Variants in GMDS observed in about 807,000 individuals in gnomAD.
GMDS encodes GDP-mannose 4,6-dehydratase.
A neutral mutation model predicts 49.9 loss-of-function variants in GMDS; 20 were observed. That is an observed-to-expected ratio of 0.40 (90% CI 0.28 to 0.58). The LOEUF (loss-of-function observed/expected upper bound fraction) is 0.58, where lower values mean the gene tolerates loss of function less well. Ranked by LOEUF, GMDS falls within the 20% of genes least tolerant of loss-of-function variation. GMDS has a pLI of 0.42. For missense variants in GMDS, 362 were observed against 481.4 expected (o/e 0.75, Z 2.32); for synonymous variants, 177 against 178.6 (o/e 0.99, Z 0.07).
chr6:2,157,776 C>T (rs1777181139), intron 1 of GMDS, among the ~76,000 whole-genome samples: 1 of 152,174 alleles, frequency 6.6e-6, no homozygotes, highest in Admixed American at 6.5e-5. Flanking sequence ...CAGGAAAAAA[C>T]AGGAATTTTA....
chr6:2,020,769 C>G (rs1275658933), intron 4 of GMDS, among the ~76,000 whole-genome samples: 2 of 152,096 alleles, frequency 1.3e-5, no homozygotes, highest in Non-Finnish European at 2.9e-5. Flanking sequence ...GGAAATTAGG[C>G]AAATTTAGGA....
intron 9 of GMDS, among the ~76,000 whole-genome samples, chr6:1,713,372 C>A (rs1371345815): frequency 6.6e-6 from 1 of 152,232 alleles, no homozygotes; most frequent in Non-Finnish European, 1.5e-5. Context: ...TAGGCACAGG[C>A]CCTGGCTGCT....
intron 6 of GMDS, among the ~76,000 whole-genome samples, chr6:1,956,198 G>T (rs1256253005): frequency 6.6e-6 from 1 of 152,120 alleles, no homozygotes; most frequent in African/African-American, 2.4e-5. Flanking sequence ...CTACAGCTGG[G>T]GCCAGCAAAT....
At chr6:2,154,310 C>G (rs1307288354) in intron 1 of GMDS, among the ~76,000 whole-genome samples, 2 of 151,948 alleles carry the variant, frequency 1.3e-5, no homozygotes, top group African/African-American at 2.4e-5. Flanking sequence ...ATACAACAAC[C>G]CTATTTGGGA....
chr6:1,853,160 GAGACATGAAATACTGCCAACACA>G lies in GMDS; in HGVS notation c.771+76920_771+76942del, dbSNP rs558688180. ...ATACAAGAAACTCTGAAAAGTATCT[GAGACATGAAATACTGCCAACACA>G]AGACACAAAACACTGCCTTTTTGGA... On this transcript the variant is annotated intron_variant, in intron 7 of 10. Transcript: ENST00000380815. Among the ~76,000 whole-genome samples, 14 of 152,178 alleles carry G rather than the reference GAGACATGAAATACTGCCAACACA, an allele frequency of 9.2e-5. No individual in the cohort carries two copies. In the East Asian group the frequency reaches 2.7e-3, roughly 29 times the overall value.
Position 1,624,322 on chromosome 6 carries a change from G to A in GMDS, c.1057-91C>T, listed in dbSNP as rs59613956. The A allele has an allele frequency of 1.8e-3, 2,415 of 1,335,630 alleles. 31 individuals are homozygous for A. In the African/African-American group the frequency reaches 0.032, roughly 18 times the overall value. The allele number at this position is 1,335,630 out of a possible 1,614,324, so 82.7% of individuals were successfully genotyped here. On this transcript the variant is annotated intron_variant, in intron 10 of 10. Coordinates refer to ENST00000380815, the MANE Select transcript of GMDS (RefSeq NM_001500.4). Reference sequence around the variant, plus strand: ...GGGTGTCGGCCCCAGAGAGGCCTCCGCGTCCCTCGTTCCAGCTCCCCTCAC... The same window carrying A: ...GGGTGTCGGCCCCAGAGAGGCCTCCACGTCCCTCGTTCCAGCTCCCCTCAC...
intron 4 of GMDS, among the ~76,000 whole-genome samples, chr6:2,029,019 G>A (rs1188642595): frequency 1.3e-5 from 2 of 150,824 alleles, no homozygotes; most frequent in Non-Finnish European, 3.0e-5. Flanking sequence ...TAACCAGAGG[G>A]AATGAGATGG....
At chr6:2,012,078 T>C (rs1055333191) in intron 4 of GMDS, among the ~76,000 whole-genome samples, 1 of 151,864 alleles carries the variant, frequency 6.6e-6, no homozygotes, top group African/African-American at 2.4e-5. Context: ...CACATGGACA[T>C]AGAGAGTGGA....
intron 1 of GMDS, among the ~76,000 whole-genome samples, chr6:2,189,896 A>G (rs1356653191): frequency 7.0e-6 from 1 of 142,604 alleles, no homozygotes; most frequent in East Asian, 2.1e-4. Context: ...CTCCAGGACT[A>G]CTGGGTTGGT....
rs534402075 is a variant in GMDS at position 1,973,267 on chromosome 6, G to A, written c.346-12301C>T. On this transcript the variant is annotated intron_variant, in intron 4 of 10. Coordinates refer to ENST00000380815, the MANE Select transcript of GMDS (RefSeq NM_001500.4). Reference sequence around the variant, plus strand: ...AAGGCATTAACATGACACTAGAGATGTACACACAATCAAAAATTAAACAAT... The same window carrying A: ...AAGGCATTAACATGACACTAGAGATATACACACAATCAAAAATTAAACAAT... Among the ~76,000 whole-genome samples, 5 of 152,172 alleles carry A rather than the reference G, an allele frequency of 3.3e-5. 1 individual carries two copies. The highest frequency in any genetic ancestry group is 1.2e-4 in the African/African-American group (5 of 41,446).
At chr6:2,012,346 G>C (rs963033051) in intron 4 of GMDS, among the ~76,000 whole-genome samples, 5 of 152,038 alleles carry the variant, frequency 3.3e-5, no homozygotes. Flanking sequence ...CTAATTAATA[G>C]AGATTTTCAC....
At chr6:1,759,127 C>A (rs1201792111) in intron 7 of GMDS, among the ~76,000 whole-genome samples, 2 of 152,110 alleles carry the variant, frequency 1.3e-5, no homozygotes, top group African/African-American at 4.8e-5. Flanking sequence ...GATTACGTAT[C>A]TTGAGGGAGT....
At chr6:1,788,526 A>G (rs1056241338) in intron 7 of GMDS, among the ~76,000 whole-genome samples, 3 of 152,178 alleles carry the variant, frequency 2.0e-5, no homozygotes, top group Non-Finnish European at 4.4e-5. Context: ...GTAGTTTCTG[A>G]TATTACACTA....
At chr6:1,855,972 C>A (rs1396971844) in intron 7 of GMDS, among the ~76,000 whole-genome samples, 1 of 152,154 alleles carries the variant, frequency 6.6e-6, no homozygotes, top group South Asian at 2.1e-4. Context: ...CATATTCATA[C>A]AGACAGTGTG....
At chr6:1,992,485 C>G (rs747822741) in intron 4 of GMDS, among the ~76,000 whole-genome samples, 1 of 152,160 alleles carries the variant, frequency 6.6e-6, no homozygotes, top group Non-Finnish European at 1.5e-5. Context: ...CTCAACACAC[C>G]AGGCATGTTC....
intron 4 of GMDS, among the ~76,000 whole-genome samples, chr6:2,040,708 G>T (rs1033866305): frequency 6.6e-6 from 1 of 152,132 alleles, no homozygotes; most frequent in Non-Finnish European, 1.5e-5. Flanking sequence ...AACAGCAGAA[G>T]CAGGAAGGTC....
chr6:1,902,879 T>C (rs1760569308), intron 7 of GMDS, among the ~76,000 whole-genome samples: 1 of 152,204 alleles, frequency 6.6e-6, no homozygotes, highest in Non-Finnish European at 1.5e-5. Context: ...AACATCAATA[T>C]AACATTGTGA....
chr6:1,780,336 G>A lies in GMDS; in HGVS notation c.772-37750C>T, dbSNP rs150357805. On this transcript the variant is annotated intron_variant, in intron 7 of 10. Transcript: ENST00000380815. ...TGTAGTGCCACAGAGATTCTTTTAG[G>A]GGTTAAATTACAGTACCAAGGATGC... Among the ~76,000 whole-genome samples, 532 of 152,216 alleles carry A rather than the reference G, an allele frequency of 3.5e-3. 2 individuals carry two copies. The highest frequency in any genetic ancestry group is 0.011 in the African/African-American group (477 of 41,524).
chr6:1,651,124 C>G (rs1205757411), intron 9 of GMDS, among the ~76,000 whole-genome samples: 1 of 152,184 alleles, frequency 6.6e-6, no homozygotes, highest in African/African-American at 2.4e-5. Context: ...GAGCTGCTAT[C>G]TGGATGACGA....
Sources: gnomAD v4.1 joint callset for allele counts (sites outside exome capture counted in the v4.1 genomes callset) on GRCh38, gnomAD v4.1.1 for gene constraint, MANE v1.5 for transcripts, NCBI Gene and HGNC (gene_info 2026-07-23, HGNC 2026-07-21) for gene names.